Variants in PDE4D observed in about 807,000 individuals in gnomAD.
PDE4D encodes 3',5'-cyclic-AMP phosphodiesterase 4D.
PDE4D carries 24 observed loss-of-function variants against 87.4 expected under a neutral mutation model. That is an observed-to-expected ratio of 0.27 (90% CI 0.20 to 0.39). The LOEUF (loss-of-function observed/expected upper bound fraction) is 0.39, where lower values mean the gene tolerates loss of function less well. PDE4D is among the 10% of genes least tolerant of loss of function. The probability of loss-of-function intolerance (pLI) is 1.00; values close to 1 mark genes in which losing one functional copy is unlikely to be tolerated. For missense variants in PDE4D, 714 were observed against 1,041.0 expected (o/e 0.69, Z 4.32); for synonymous variants, 384 against 383.2 (o/e 1.00, Z -0.02).
chr5:60,484,582 T>G (rs755653676), intron 1 of PDE4D, among the ~76,000 whole-genome samples: 1 of 152,206 alleles, frequency 6.6e-6, no homozygotes, highest in Non-Finnish European at 1.5e-5. Context: ...AATGCCACAT[T>G]CGTTTATCAC....
At chr5:59,787,236 C>T (rs374293455) in intron 1 of PDE4D, among the ~76,000 whole-genome samples, 4 of 152,176 alleles carry the variant, frequency 2.6e-5, no homozygotes, top group African/African-American at 7.2e-5. Context: ...CTTTCACTAC[C>T]GGATTCACAG....
chr5:58,989,430 A>C (rs1747337309), intron 10 of PDE4D, among the ~76,000 whole-genome samples: 1 of 152,034 alleles, frequency 6.6e-6, no homozygotes, highest in South Asian at 2.1e-4. Flanking sequence ...TTTGGCCTAT[A>C]AATAAAAGCC....
chr5:59,908,395 G>A (rs1261362127), intron 3 of PDE4D, among the ~76,000 whole-genome samples: 2 of 152,274 alleles, frequency 1.3e-5, no homozygotes, highest in East Asian at 3.9e-4. Context: ...CCGAAAACAA[G>A]TGGAAGCAGC....
chr5:60,421,799 A>G (rs974844902), intron 1 of PDE4D, among the ~76,000 whole-genome samples: 3 of 152,204 alleles, frequency 2.0e-5, no homozygotes, highest in Non-Finnish European at 4.4e-5. Flanking sequence ...ATCTTTAAAA[A>G]ATGTTGGACG....
At chr5:60,004,928 A>G (rs1233935158) in intron 2 of PDE4D, among the ~76,000 whole-genome samples, 1 of 152,200 alleles carries the variant, frequency 6.6e-6, no homozygotes, top group Non-Finnish European at 1.5e-5. Context: ...GAGATACCAT[A>G]TGATCCAGCA....
chr5:59,689,946 C>T (rs298079), intron 1 of PDE4D, among the ~76,000 whole-genome samples: 3 of 151,936 alleles, frequency 2.0e-5, no homozygotes, highest in African/African-American at 7.3e-5. Flanking sequence ...CAGCCAAATC[C>T]GAAGTGAACT....
At chr5:59,672,820 T>A (rs1217939936) in intron 1 of PDE4D, among the ~76,000 whole-genome samples, 1 of 152,224 alleles carries the variant, frequency 6.6e-6, no homozygotes, top group Non-Finnish European at 1.5e-5. Context: ...TCTGAGCTGA[T>A]GATGTCTTAC....
chr5:59,246,746 G>T (rs1758919773), intron 1 of PDE4D, among the ~76,000 whole-genome samples: 1 of 152,118 alleles, frequency 6.6e-6, no homozygotes, highest in Admixed American at 6.6e-5. Flanking sequence ...ACATACTACT[G>T]AAAAGTAAAT....
At chr5:59,363,097 G>A (rs1168049475) in intron 1 of PDE4D, among the ~76,000 whole-genome samples, 1 of 152,102 alleles carries the variant, frequency 6.6e-6, no homozygotes, top group East Asian at 1.9e-4. Context: ...TTACTATGAT[G>A]ATATCAACCA....
At chr5:59,388,691 C>A (rs1787612817) in intron 1 of PDE4D, among the ~76,000 whole-genome samples, 1 of 138,628 alleles carries the variant, frequency 7.2e-6, no homozygotes, top group South Asian at 2.4e-4. Context: ...AGAAGGAAAT[C>A]CATAATAACA....
intron 1 of PDE4D, among the ~76,000 whole-genome samples, chr5:59,468,379 A>G (rs1370488445): frequency 6.6e-6 from 1 of 152,156 alleles, no homozygotes; most frequent in Non-Finnish European, 1.5e-5. Context: ...TTTGTTCTAC[A>G]TCAGGCAGCT....
intron 1 of PDE4D, among the ~76,000 whole-genome samples, chr5:59,687,861 G>C (rs1235130114): frequency 2.6e-5 from 4 of 152,038 alleles, no homozygotes; most frequent in Non-Finnish European, 5.9e-5. Context: ...TCAAAATAAA[G>C]GGAGGAAGGA....
At chr5:60,394,925 A>T (rs1332384444) in intron 1 of PDE4D, among the ~76,000 whole-genome samples, 1 of 152,186 alleles carries the variant, frequency 6.6e-6, no homozygotes, top group Non-Finnish European at 1.5e-5. Context: ...ACCAAAACTC[A>T]GCAACCCAAG....
At chr5:59,066,988 A>AT (rs1440915057) in intron 5 of PDE4D, among the ~76,000 whole-genome samples, 4 of 16,836 alleles carry the variant, frequency 2.4e-4, no homozygotes, top group Admixed American at 6.8e-4. Flanking sequence ...CCAGCTCGTG[A>AT]TTTATTTATT....
intron 6 of PDE4D, among the ~76,000 whole-genome samples, chr5:59,016,043 C>T (rs1038237607): frequency 4.6e-5 from 7 of 152,138 alleles, no homozygotes; most frequent in Non-Finnish European, 7.3e-5. Flanking sequence ...AACCAAACAC[C>T]GCATGTTCTC....
rs563645469 is a variant in PDE4D at position 60,431,935 on chromosome 5, T to C, written c.-90+56007A>G. Among the ~76,000 whole-genome samples the C allele has an allele frequency of 5.3e-5, 8 of 152,318 alleles. No homozygotes were observed. The South Asian group carries it at 1.7e-3, about 32-fold the overall frequency. ...AAAAAATACGAAAACCTGTCAGGTG[T>C]GGCGGCGCAGGCCTGCAATCGCAGG... On this transcript the variant is annotated intron_variant, in intron 1 of 16. Coordinates refer to the PDE4D transcript ENST00000502484.
At chr5:59,172,210 TAATATATAATA>T (rs1195791729) in intron 5 of PDE4D, among the ~76,000 whole-genome samples, 10 of 111,972 alleles carry the variant, frequency 8.9e-5, no homozygotes, top group Non-Finnish European at 1.5e-4. Context: ...AATATGTATA[TAATATATAATA>T]AATATATAAT....
At chr5:59,043,213 A>T (rs1015486320) in intron 5 of PDE4D, among the ~76,000 whole-genome samples, 7 of 150,668 alleles carry the variant, frequency 4.6e-5, no homozygotes, top group African/African-American at 1.2e-4. Flanking sequence ...CCCTTAATTT[A>T]AAAAAAAAAT....
chr5:60,092,656 C>T (rs543652216), intron 2 of PDE4D, among the ~76,000 whole-genome samples: 3 of 151,908 alleles, frequency 2.0e-5, no homozygotes, highest in South Asian at 4.2e-4. Context: ...ACTCTGAACA[C>T]TCTTAGAAGA....
Sources: allele counts gnomAD v4.1 joint callset (sites outside exome capture counted in the v4.1 genomes callset), GRCh38; gene constraint gnomAD v4.1.1; transcripts MANE v1.5; gene names NCBI Gene and HGNC (gene_info 2026-07-23, HGNC 2026-07-21).